The following SMARCA2 variants were observed in gnomAD, a reference collection of about 807,000 sequenced individuals.
SMARCA2 encodes the protein SWI/SNF related BAF chromatin remodeling complex subunit ATPase 2, also known as SWI/SNF-related matrix-associated actin-dependent regulator of chromatin subfamily A member 2.
A neutral mutation model predicts 199.8 loss-of-function variants in SMARCA2; 61 were observed. The ratio of observed to expected loss-of-function variants is 0.31; its 90% confidence interval spans 0.25 to 0.38. SMARCA2 has a LOEUF of 0.38. Ranked by LOEUF, SMARCA2 falls within the 10% of genes least tolerant of loss-of-function variation. The pLI is 1.00. For missense variants in SMARCA2, 1,344 were observed against 2,012.2 expected (o/e 0.67, Z 6.35); for synonymous variants, 935 against 732.0 (o/e 1.28, Z -4.48).
chr9:2,119,276 T>A lies in SMARCA2; in HGVS notation c.3685-182T>A, dbSNP rs1294174648. On this transcript the variant is annotated intron_variant, in intron 25 of 33. Transcript: ENST00000349721. The surrounding 1 kb of genome is among the most constrained non-coding windows in gnomAD (Gnocchi z 4.6). Reference sequence around the variant, plus strand: ...AGTTTCCTCCCTGAACGGATTTTGCTCTGGGAAGATGGTTTTAATAGCTTG... The same window carrying A: ...AGTTTCCTCCCTGAACGGATTTTGCACTGGGAAGATGGTTTTAATAGCTTG... Among the ~76,000 whole-genome samples the A allele has an allele frequency of 6.6e-6, 1 of 152,216 alleles. No homozygotes were observed. The highest frequency in any genetic ancestry group is 2.4e-5 in the African/African-American group (1 of 41,458).
At chr9:2,149,989 C>T (rs140618616) in intron 27 of SMARCA2, among the ~76,000 whole-genome samples, 2 of 151,428 alleles carry the variant, frequency 1.3e-5, no homozygotes, top group South Asian at 4.2e-4. Flanking sequence ...CCAGACACTC[C>T]TCTACTGACA....
chr9:2,081,431 C>T (rs576322530), intron 14 of SMARCA2, among the ~76,000 whole-genome samples: 29 of 152,306 alleles, frequency 1.9e-4, no homozygotes, highest in African/African-American at 5.0e-4. Flanking sequence ...CCCATATTAC[C>T]GAAAAGGCTG....
chr9:2,125,543 G>T (rs1450535750), intron 27 of SMARCA2, among the ~76,000 whole-genome samples: 6 of 143,492 alleles, frequency 4.2e-5, no homozygotes, highest in African/African-American at 1.6e-4. Flanking sequence ...AGGCTATAGT[G>T]CAATGGTGTG....
At chr9:2,050,263 C>G (rs933153306) in intron 5 of SMARCA2, among the ~76,000 whole-genome samples, 6 of 151,952 alleles carry the variant, frequency 3.9e-5, no homozygotes, top group African/African-American at 1.4e-4. Flanking sequence ...CCATCTTTCT[C>G]TTATAATGGA....
At chr9:2,111,819 T>G (rs1441769859) in intron 24 of SMARCA2, among the ~76,000 whole-genome samples, 2 of 152,174 alleles carry the variant, frequency 1.3e-5, no homozygotes, top group Non-Finnish European at 2.9e-5. Flanking sequence ...CTGAAATAGA[T>G]TCTCATACAG....
rs1040093865 is a variant in SMARCA2 at position 2,056,169 on chromosome 9, A to C, written c.1174-503A>C. Among the ~76,000 whole-genome samples the C allele has an allele frequency of 2.0e-4, 30 of 152,228 alleles. No individual in the cohort carries two copies. Among genetic ancestry groups the C allele is most frequent in the African/African-American group, 6.5e-4 (27 of 41,460 alleles). ...TTGGAGTGGGAAGAAGCCAAAACTC[A>C]TATTTCCCATCCTTTGTATGAGACT... is the stretch of plus-strand genomic sequence containing the variant. On this transcript the variant is annotated intron_variant, in intron 6 of 33. Transcript: ENST00000349721. This position sits in a 1 kb window ranked among gnomAD's most constrained non-coding sequence, Gnocchi z 4.0.
chr9:2,047,428 C>T lies in SMARCA2; in HGVS notation c.990C>T (p.Pro330=), dbSNP rs1440645966. ...AGCAGAAGCAGAGCCGCATCAGCCC[C>T]ATCCAGAAACCGCAAGGCCTGGACC... The part of the protein sequence containing the change: ...QLQQKQSRIS[P]IQKPQGLDPV... Residue 330 remains proline, a synonymous_variant, in exon 5 of 34, where the codon CCC becomes CCT. Transcript: ENST00000349721. 6 of 1,586,986 alleles carry T rather than the reference C, an allele frequency of 3.8e-6. No homozygotes were observed. The highest frequency in any genetic ancestry group is 5.1e-6 in the Non-Finnish European group (6 of 1,168,138).
At chr9:2,150,068 G>C (rs949258307) in intron 27 of SMARCA2, among the ~76,000 whole-genome samples, 1 of 151,456 alleles carries the variant, frequency 6.6e-6, no homozygotes, top group Admixed American at 6.6e-5. Flanking sequence ...GTGAGTACAT[G>C]CGTCTGTATC....
intron 27 of SMARCA2, among the ~76,000 whole-genome samples, chr9:2,132,447 A>G (rs1824004475): frequency 6.6e-6 from 1 of 151,836 alleles, no homozygotes; most frequent in Admixed American, 6.6e-5. Context: ...CACTGGCAAG[A>G]TTTTTTTGTG....
chr9:2,076,449 CTG>C (rs1413052395), intron 13 of SMARCA2, 120 bp downstream of exon 13: 3 of 695,260 alleles, frequency 4.3e-6, no homozygotes, highest in South Asian at 1.7e-5. Context: ...CTGCTTGAAA[CTG>C]TGCTCCTAGA....
chr9:2,124,013 C>T, intron 27 of SMARCA2, 76 bp downstream of exon 27: 2 of 1,177,690 alleles, frequency 1.7e-6, no homozygotes, highest in Non-Finnish European at 2.5e-6. Context: ...GGGCCTAGAG[C>T]TGGGATTTTC....
At chr9:2,026,896 C>T (rs1818855785) in intron 1 of SMARCA2, among the ~76,000 whole-genome samples, 1 of 152,122 alleles carries the variant, frequency 6.6e-6, no homozygotes, top group Admixed American at 6.5e-5. Context: ...TAAATAATAA[C>T]ATTGGGCTCT....
intron 5 of SMARCA2, 21 bp from the exon 6 acceptor site, chr9:2,054,576 C>T: frequency 6.2e-7 from 1 of 1,601,428 alleles, no homozygotes; most frequent in Non-Finnish European, 8.5e-7. Flanking sequence ...CCCCTTTTCC[C>T]CATTTTATTG....
intron 19 of SMARCA2, among the ~76,000 whole-genome samples, chr9:2,093,928 T>C (rs952400273): frequency 6.6e-6 from 1 of 152,222 alleles, no homozygotes; most frequent in African/African-American, 2.4e-5. Flanking sequence ...TGTAGATATA[T>C]GTTGGGAAAA....
chr9:2,151,084 C>T (rs1358689087), intron 27 of SMARCA2, among the ~76,000 whole-genome samples: 1 of 151,532 alleles, frequency 6.6e-6, no homozygotes, highest in African/African-American at 2.4e-5. Context: ...GCACATAAAA[C>T]ACAGACTTTG....
At position 2,056,767 on chromosome 9, in the gene SMARCA2, G is replaced by A; in HGVS notation, c.1269G>A (p.Leu423=). 1 of 1,614,216 alleles carries A rather than the reference G, an allele frequency of 6.2e-7. No individual in the cohort carries two copies. The highest frequency in any genetic ancestry group is 8.5e-7 in the Non-Finnish European group (1 of 1,180,028). Residue 423 remains leucine, a synonymous_variant, in exon 7 of 34, where the codon CTG becomes CTA. Coordinates refer to ENST00000349721, the MANE Select transcript of SMARCA2 (RefSeq NM_003070.5). The surrounding 1 kb of genome is among the most constrained non-coding windows in gnomAD (Gnocchi z 4.0). ...KAYKRSKRQT[L]REARMTEKLE... Reference sequence around the variant, plus strand: ...ACAAACGGAGCAAGCGCCAGACTCTGAGAGAAGCTCGCATGACCGAGAAGC... The same window carrying A: ...ACAAACGGAGCAAGCGCCAGACTCTAAGAGAAGCTCGCATGACCGAGAAGC...
At position 2,056,558 on chromosome 9, in the gene SMARCA2, CT is replaced by C. The variant is rs1820362992; in HGVS notation, c.1174-112del. On this transcript the variant is annotated intron_variant, in intron 6 of 33. Transcript: ENST00000349721. This position sits in a 1 kb window ranked among gnomAD's most constrained non-coding sequence, Gnocchi z 4.0. ...ATACAAACCAAAGGTGATTGAGAAG[CT>C]TGTGGAGATTCCCCGCCCCACTCTA... The C allele has an allele frequency of 4.6e-6, 4 of 867,374 alleles. No homozygotes were observed. The East Asian group carries it at 1.1e-4, about 23-fold the overall frequency. 53.7% of individuals were successfully genotyped at this position (867,374 alleles called of 1,614,324 possible). A position where few individuals can be genotyped will look rare whatever the true frequency, so the allele number is the denominator to read the frequency against.
chr9:2,164,071 C>T (rs1055830676), intron 28 of SMARCA2, among the ~76,000 whole-genome samples: 7 of 152,166 alleles, frequency 4.6e-5, no homozygotes, highest in Non-Finnish European at 7.3e-5. Context: ...TTGGCAGCAT[C>T]GCGCTCTAGG....
chr9:2,047,772 CG>C, intron 5 of SMARCA2: 1 of 210,486 alleles, frequency 4.8e-6, no homozygotes, highest in Non-Finnish European at 9.4e-6. Flanking sequence ...TCGGTGATGA[CG>C]GAGGGGCTGG....
Sources: gnomAD v4.1 joint callset for allele counts (sites outside exome capture counted in the v4.1 genomes callset) on GRCh38, gnomAD v4.1.1 for gene constraint, Gnocchi (gnomAD v3.1) non-coding constraint, MANE v1.5 for transcripts, NCBI Gene and HGNC (gene_info 2026-07-23, HGNC 2026-07-21) for gene names.